Variants in TBXAS1 observed in about 807,000 individuals in gnomAD.
TBXAS1 encodes thromboxane-A synthase.
A neutral mutation model predicts 60.7 loss-of-function variants in TBXAS1; 48 were observed. The observed-to-expected ratio is 0.79, with a 90% CI of 0.63 to 1.01. The LOEUF is 1.01. TBXAS1 is among the 50% of genes least tolerant of loss of function. The pLI is 0.00. For missense variants in TBXAS1, 685 were observed against 686.3 expected (o/e 1.00, Z 0.02); for synonymous variants, 287 against 269.7 (o/e 1.06, Z -0.63).
intron 3 of TBXAS1, among the ~76,000 whole-genome samples, chr7:139,890,122 A>C (rs1427036773): frequency 6.6e-6 from 1 of 151,902 alleles, no homozygotes; most frequent in Admixed American, 6.6e-5. Flanking sequence ...AAAGGAACAC[A>C]GGTCTCTTCA....
At chr7:139,794,552 T>C (rs1364704523) in intron 4 of TBXAS1, among the ~76,000 whole-genome samples, 1 of 151,826 alleles carries the variant, frequency 6.6e-6, no homozygotes, top group Non-Finnish European at 1.5e-5. Flanking sequence ...TTAAGGTACA[T>C]GTGCACATTG....
intron 9 of TBXAS1, among the ~76,000 whole-genome samples, chr7:139,987,651 C>T (rs1812598253): frequency 6.6e-6 from 1 of 152,174 alleles, no homozygotes; most frequent in Non-Finnish European, 1.5e-5. Context: ...CTAAAACAGT[C>T]ACCTAATGAT....
rs184968800 is a variant in TBXAS1, at chr7:139,885,696, C to T, written c.236+10059C>T. Reference sequence around the variant, plus strand: ...TAAATTTGAAGAAGCAATGAGTTCCCAATTCACTTAGAGCTTAAAGTTCCT... The same window carrying T: ...TAAATTTGAAGAAGCAATGAGTTCCTAATTCACTTAGAGCTTAAAGTTCCT... On this transcript the variant is annotated intron_variant, in intron 3 of 12. Transcript: ENST00000448866. 2.0e-5 allele frequency among the ~76,000 whole-genome samples: 3 copies of T among 152,284 alleles called. No homozygotes were observed. The East Asian group carries it at 5.8e-4, about 29-fold the overall frequency.
intron 4 of TBXAS1, among the ~76,000 whole-genome samples, chr7:139,817,988 G>T (rs1718642579): frequency 6.6e-6 from 1 of 152,186 alleles, no homozygotes; most frequent in Non-Finnish European, 1.5e-5. Flanking sequence ...ATTCATTTCA[G>T]AAACATTTCG....
chr7:139,980,907 C>T (rs1377104865), intron 9 of TBXAS1, among the ~76,000 whole-genome samples: 1 of 150,914 alleles, frequency 6.6e-6, no homozygotes, highest in Non-Finnish European at 1.5e-5. Flanking sequence ...AGAACAGACA[C>T]AGGCATTTCT....
chr7:139,888,120 C>A (rs1199657422), intron 3 of TBXAS1, among the ~76,000 whole-genome samples: 1 of 152,172 alleles, frequency 6.6e-6, no homozygotes, highest in South Asian at 2.1e-4. Flanking sequence ...CCAAACCGAC[C>A]CCATTATCAA....
intron 1 of TBXAS1, among the ~76,000 whole-genome samples, chr7:139,779,109 C>G (rs1036081382): frequency 3.3e-5 from 5 of 152,174 alleles, no homozygotes; most frequent in African/African-American, 1.2e-4. Flanking sequence ...ACCATGATGT[C>G]AATTTTATTT....
At chr7:139,898,507 A>G (rs1804297195) in intron 3 of TBXAS1, among the ~76,000 whole-genome samples, 1 of 124,530 alleles carries the variant, frequency 8.0e-6, no homozygotes, top group Admixed American at 1.0e-4. Flanking sequence ...TTGTACTTTT[A>G]GTAGAGACGG....
intron 3 of TBXAS1, among the ~76,000 whole-genome samples, chr7:139,890,884 A>G (rs1265741196): frequency 2.0e-5 from 3 of 151,142 alleles, no homozygotes; most frequent in African/African-American, 7.3e-5. Flanking sequence ...AACCATTCCA[A>G]TTGTGTTTAA....
At chr7:139,835,004 G>C (rs550698800) in intron 1 of TBXAS1, among the ~76,000 whole-genome samples, 1 of 151,264 alleles carries the variant, frequency 6.6e-6, no homozygotes, top group African/African-American at 2.4e-5. Flanking sequence ...AACTAGGAAA[G>C]GACACAACCA....
chr7:139,932,166 CAAAA>C (rs56765418), intron 4 of TBXAS1, among the ~76,000 whole-genome samples: 1 of 66,408 alleles, frequency 1.5e-5, no homozygotes, highest in African/African-American at 4.4e-5. Context: ...GACTCCATCT[CAAAA>C]AAAAAAAAAA....
chr7:139,792,578 G>C (rs1468288741), intron 4 of TBXAS1, among the ~76,000 whole-genome samples: 12 of 152,210 alleles, frequency 7.9e-5, no homozygotes, highest in African/African-American at 2.7e-4. Flanking sequence ...TGGGAATACA[G>C]GTGGTTATTC....
intron 9 of TBXAS1, among the ~76,000 whole-genome samples, chr7:140,002,104 A>G (rs941712154): frequency 6.6e-6 from 1 of 152,324 alleles, no homozygotes; most frequent in African/African-American, 2.4e-5. Flanking sequence ...CGCCAATTCC[A>G]TATGTATTCC....
intron 1 of TBXAS1, among the ~76,000 whole-genome samples, chr7:139,856,997 G>A (rs1800627229): frequency 2.0e-5 from 3 of 152,318 alleles, no homozygotes; most frequent in African/African-American, 7.2e-5. Context: ...GGGAGGGGTA[G>A]AAGGAGTGTG....
chr7:139,950,037 A>ATT (rs3082651), intron 5 of TBXAS1, among the ~76,000 whole-genome samples: 96 of 103,550 alleles, frequency 9.3e-4, no homozygotes, highest in Non-Finnish European at 1.3e-3. Context: ...AGGTGATGGG[A>ATT]TTTTTTTTTT....
chr7:139,962,440 A>T, intron 9 of TBXAS1: 1 of 591,926 alleles, frequency 1.7e-6, no homozygotes. Flanking sequence ...CAAAAAGACA[A>T]ATTGTGTGTG....
intron 4 of TBXAS1, among the ~76,000 whole-genome samples, chr7:139,813,152 A>G (rs923992925): frequency 2.0e-5 from 3 of 152,196 alleles, no homozygotes; most frequent in Non-Finnish European, 4.4e-5. Flanking sequence ...CTTGAGAAGA[A>G]CCTGGTGGGT....
At chr7:139,870,618 G>C (rs1039824908) in intron 1 of TBXAS1, among the ~76,000 whole-genome samples, 1 of 152,158 alleles carries the variant, frequency 6.6e-6, no homozygotes, top group Non-Finnish European at 1.5e-5. Flanking sequence ...TGGCGTTCAC[G>C]TGTGGCTCTT....
chr7:139,837,515 C>A (rs529572514), intron 1 of TBXAS1, among the ~76,000 whole-genome samples: 1 of 152,264 alleles, frequency 6.6e-6, no homozygotes, highest in East Asian at 1.9e-4. Flanking sequence ...TTTGCAGTGA[C>A]CTGGATGAGA....
Sources: allele counts gnomAD v4.1 joint callset (sites outside exome capture counted in the v4.1 genomes callset), GRCh38; gene constraint gnomAD v4.1.1; transcripts MANE v1.5; gene names NCBI Gene and HGNC (gene_info 2026-07-23, HGNC 2026-07-21).